ANG: variants seen among roughly 807,000 people sequenced by gnomAD.
ANG encodes the protein angiogenin.
For missense variants in ANG, 178 were observed against 187.4 expected, an observed-to-expected ratio of 0.95 and a Z score of 0.29; for synonymous variants, 74 against 73.8, an observed-to-expected ratio of 1.00 and a Z score of -0.02.
upstream of ANG, among the ~76,000 whole-genome samples, chr14:20,688,359 A>G (rs747781782): frequency 7.9e-5 from 12 of 152,232 alleles, no homozygotes; most frequent in Non-Finnish European, 1.6e-4. Flanking sequence ...ATGTGATATG[A>G]TAAATGATAA....
chr14:20,690,221 CAAAAAAAAAAAAAAA>C (rs36091065), intron 1 of ANG, among the ~76,000 whole-genome samples: 9 of 67,980 alleles, frequency 1.3e-4, no homozygotes, highest in South Asian at 6.8e-4. Flanking sequence ...GACTCCGTCT[CAAAAAAAAAAAAAAA>C]AAAAAAAAAA....
intron 1 of ANG, among the ~76,000 whole-genome samples, chr14:20,692,960 G>C (rs1313421997): frequency 6.6e-6 from 1 of 151,894 alleles, no homozygotes; most frequent in Admixed American, 6.6e-5. Context: ...CCATTCTCCT[G>C]CCTCAGCCTC....
intron 1 of ANG, among the ~76,000 whole-genome samples, chr14:20,693,002 T>G (rs554968728): frequency 6.6e-6 from 1 of 151,346 alleles, no homozygotes; most frequent in East Asian, 1.9e-4. Flanking sequence ...CGCCCGCCAC[T>G]ACGCCCGGCT....
intron 1 of ANG, among the ~76,000 whole-genome samples, chr14:20,690,741 A>G (rs77628263): frequency 0.012 from 1,840 of 152,324 alleles, 53 homozygotes; most frequent in East Asian, 0.1. Context: ...TTCTTGATGA[A>G]CAAACCTAGG....
In ANG at chr14:20,694,097, C is replaced by A; in HGVS notation, c.*89C>A. The A allele has an allele frequency of 1.4e-6, 2 of 1,454,510 alleles. No individual in the cohort carries two copies. The highest frequency in any genetic ancestry group is 1.9e-6 in the Non-Finnish European group (2 of 1,035,204). 90.1% of individuals were successfully genotyped at this position (1,454,510 alleles called of 1,614,324 possible). ...AGAACAGTGGTGGCAACATTCATTG[C>A]CAAGGGCCCAAAGAAAGAGCTACCT... On this transcript the variant is annotated 3_prime_UTR_variant, in exon 2 of 2. Coordinates refer to ENST00000397990, the MANE Select transcript of ANG (RefSeq NM_001097577.3).
At position 20,694,168 on chromosome 14, in the gene ANG, G is replaced by T. The variant is rs1368234350; in HGVS notation, c.*160G>T. On this transcript the variant is annotated 3_prime_UTR_variant, in exon 2 of 2. Transcript: ENST00000397990. ...GACAACATGTTTAATAAATAAAAAT[G>T]TCTTGATATCAGTAAGAATCAGAGT... is the stretch of plus-strand genomic sequence containing the variant. 1 of 770,678 alleles carries T rather than the reference G, an allele frequency of 1.3e-6. No homozygotes were observed. The highest frequency in any genetic ancestry group is 1.6e-5 in the South Asian group (1 of 61,606). 47.7% of individuals were successfully genotyped at this position (770,678 alleles called of 1,614,324 possible). A position where few individuals can be genotyped will look rare whatever the true frequency, so the allele number is the denominator to read the frequency against.
chr14:20,686,910 G>A, upstream of ANG, among the ~76,000 whole-genome samples: 1 of 152,198 alleles, frequency 6.6e-6, no homozygotes, highest in South Asian at 2.1e-4. Context: ...TATGAAGGAG[G>A]AAAGTGCTCT....
chr14:20,688,562 T>G (rs187029295), upstream of ANG: 19 of 446,734 alleles, frequency 4.3e-5, no homozygotes, highest in Middle Eastern at 1.1e-3. Flanking sequence ...AAGGGCAACT[T>G]TTGGACAGAA....
intron 1 of ANG, chr14:20,693,338 G>A (rs1222796123): frequency 6.3e-6 from 4 of 636,742 alleles, no homozygotes; most frequent in African/African-American, 1.8e-5. Context: ...GGAGCTAGAG[G>A]TTGTGCTCAG....
Position 20,694,044 on chromosome 14 carries a change from C to T in ANG, c.*36C>T. ...CCTGGTCAAGTGCTGGCTCTGCTGT[C>T]CTTGCCTTCCATTTCCCCTCTGCAC... On this transcript the variant is annotated 3_prime_UTR_variant, in exon 2 of 2. Transcript: ENST00000397990. 6.2e-7 allele frequency: 1 copy of T among 1,611,144 alleles called. No individual in the cohort carries two copies. Among genetic ancestry groups the T allele is most frequent in the South Asian group, 1.1e-5 (1 of 90,958 alleles).
At chr14:20,691,257 G>A (rs1163858721) in intron 1 of ANG, among the ~76,000 whole-genome samples, 2 of 152,196 alleles carry the variant, frequency 1.3e-5, no homozygotes. Flanking sequence ...TCCGTTTCCT[G>A]ATTTCTGATT....
chr14:20,694,037 C>T lies in ANG; in HGVS notation c.*29C>T, dbSNP rs746829799. ...GCGGGCCCCTGGTCAAGTGCTGGCT[C>T]TGCTGTCCTTGCCTTCCATTTCCCC... On this transcript the variant is annotated 3_prime_UTR_variant, in exon 2 of 2. Coordinates refer to ENST00000397990, the MANE Select transcript of ANG (RefSeq NM_001097577.3). 4 of 1,612,710 alleles carry T rather than the reference C, an allele frequency of 2.5e-6. No homozygotes were observed. The highest frequency in any genetic ancestry group is 2.5e-6 in the Non-Finnish European group (3 of 1,178,724).
upstream of ANG, among the ~76,000 whole-genome samples, chr14:20,685,184 C>T (rs138117719): frequency 5.9e-5 from 9 of 152,254 alleles, no homozygotes; most frequent in East Asian, 1.7e-3. Context: ...GTTTACTCTC[C>T]TCTGCCTCCT....
chr14:20,685,389 C>T (rs1054609059), upstream of ANG, among the ~76,000 whole-genome samples: 3 of 152,292 alleles, frequency 2.0e-5, no homozygotes, highest in East Asian at 5.8e-4. Flanking sequence ...ACTCAGGGGG[C>T]TAGGGAAATC....
At chr14:20,686,442 T>C (rs1000870343), upstream of ANG, among the ~76,000 whole-genome samples, 3 of 152,218 alleles carry the variant, frequency 2.0e-5, no homozygotes, top group Non-Finnish European at 4.4e-5. Flanking sequence ...GATAAAAAAG[T>C]GGACCAATGA....
At chr14:20,688,294 A>T (rs1254611199), upstream of ANG, among the ~76,000 whole-genome samples, 1 of 152,196 alleles carries the variant, frequency 6.6e-6, no homozygotes. Context: ...AAATCGATGG[A>T]ATAACGTGCT....
At chr14:20,689,131 G>A (rs1318168253) in intron 1 of ANG, among the ~76,000 whole-genome samples, 1 of 152,196 alleles carries the variant, frequency 6.6e-6, no homozygotes, top group African/African-American at 2.4e-5. Flanking sequence ...CAAAGGCCTG[G>A]GGGAGCCATT....
chr14:20,693,817 A>C lies in ANG; in HGVS notation c.253A>C (p.Asn85His), dbSNP rs1566602553. Reference sequence around the variant, plus strand: ...CATCAAGGCCATCTGTGAAAACAAGAATGGAAACCCTCACAGAGAAAACCT... The same window carrying C: ...CATCAAGGCCATCTGTGAAAACAAGCATGGAAACCCTCACAGAGAAAACCT... ...RSIKAICENK[N>H]GNPHRENLRI... Residue 85 changes from asparagine to histidine, a missense_variant, in exon 2 of 2, where the codon AAT becomes CAT. Transcript: ENST00000397990. The C allele has an allele frequency of 1.2e-6, 2 of 1,614,208 alleles. No individual in the cohort carries two copies.
chr14:20,693,564 G>C lies in ANG; in HGVS notation c.-1G>C. ...CTCCGCAGGAGCCTGTGTTGGAAGAGATGGTGATGGGCCTGGGCGTTTTGT... is the reference window on the plus strand; with the variant it reads ...CTCCGCAGGAGCCTGTGTTGGAAGACATGGTGATGGGCCTGGGCGTTTTGT... On this transcript the variant is annotated 5_prime_UTR_variant, in exon 2 of 2. Coordinates refer to ENST00000397990, the MANE Select transcript of ANG (RefSeq NM_001097577.3). 1 of 1,612,230 alleles carries C rather than the reference G, an allele frequency of 6.2e-7. No individual in the cohort carries two copies. Among genetic ancestry groups the C allele is most frequent in the Non-Finnish European group, 8.5e-7 (1 of 1,180,038 alleles).
Sources: allele counts gnomAD v4.1 joint callset (sites outside exome capture counted in the v4.1 genomes callset), GRCh38; gene constraint gnomAD v4.1.1; transcripts MANE v1.5; gene names NCBI Gene and HGNC (gene_info 2026-07-23, HGNC 2026-07-21).